Variants in CELF2 observed in about 807,000 individuals in gnomAD.
CELF2 encodes the protein CUG triplet repeat RNA-binding protein 2.
In CELF2, 8 loss-of-function variants were observed where a neutral mutation model predicts 62.6. That is an observed-to-expected ratio of 0.13 (90% CI 0.07 to 0.23). The LOEUF is 0.23. Among genes scored for constraint, CELF2 ranks in the 10% least tolerant of loss-of-function variants. CELF2 has a pLI of 1.00. For synonymous variants in CELF2, 258 were observed against 250.0 expected (o/e 1.03, Z -0.30); for missense variants, 333 against 671.0 (o/e 0.50, Z 5.56).
intron 1 of CELF2, among the ~76,000 whole-genome samples, chr10:11,061,690 C>T (rs569660236): frequency 1.1e-4 from 17 of 152,356 alleles, no homozygotes; most frequent in African/African-American, 3.6e-4. Context: ...TACTCATTTA[C>T]TACTCCAAAA....
chr10:11,303,525 G>A lies in CELF2; in HGVS notation c.977-10614G>A, dbSNP rs141652779. On this transcript the variant is annotated intron_variant, in intron 9 of 12. Coordinates refer to ENST00000633077, the MANE Select transcript of CELF2 (RefSeq NM_001326342.2). ...TCCTTCAGATACAGACTGAACACACGTTTATTGATCACCCGCTGTGCATCA... is the reference window on the plus strand; with the variant it reads ...TCCTTCAGATACAGACTGAACACACATTTATTGATCACCCGCTGTGCATCA... Among the ~76,000 whole-genome samples, 68 of 152,248 alleles carry A rather than the reference G, an allele frequency of 4.5e-4. 2 individuals are homozygous for A. The East Asian group carries it at 0.011, about 25-fold the overall frequency.
chr10:10,657,477 T>C, the CELF2 span, among the ~76,000 whole-genome samples: 329 of 152,294 alleles, frequency 2.2e-3, no homozygotes, highest in African/African-American at 7.6e-3. Flanking sequence ...GCGTGAGTTA[T>C]ATGGTACGTG....
At chr10:10,764,304 AC>A in the CELF2 span, among the ~76,000 whole-genome samples, 2 of 152,268 alleles carry the variant, frequency 1.3e-5, no homozygotes, top group Non-Finnish European at 2.9e-5. Context: ...TTTCAAAAAA[AC>A]ATACTTTCTG....
chr10:10,540,480 C>A, the CELF2 span, among the ~76,000 whole-genome samples: 1 of 152,296 alleles, frequency 6.6e-6, no homozygotes, highest in Middle Eastern at 3.4e-3. Flanking sequence ...CTGGCTTTGC[C>A]TTTTCACAGA....
the CELF2 span, among the ~76,000 whole-genome samples, chr10:10,622,642 G>T: frequency 6.6e-6 from 1 of 152,004 alleles, no homozygotes; most frequent in Non-Finnish European, 1.5e-5. Flanking sequence ...GTGACAGAAT[G>T]AGACCCTGTG....
intron 7 of CELF2, among the ~76,000 whole-genome samples, chr10:11,273,937 G>A (rs2084908937): frequency 6.7e-6 from 1 of 150,248 alleles, no homozygotes; most frequent in Non-Finnish European, 1.5e-5. Flanking sequence ...TGGCCAGGCT[G>A]GTCTCGAACT....
Position 11,321,220 on chromosome 10 carries a change from G to A in CELF2, c.1128G>A (p.Leu376=), listed in dbSNP as rs1170963325. Residue 376 remains leucine (L), a synonymous_variant, in exon 11 of 13, where the codon CTG becomes CTA. Coordinates refer to ENST00000633077, the MANE Select transcript of CELF2 (RefSeq NM_001326342.2). The surrounding 1 kb of genome is among the most constrained non-coding windows in gnomAD (Gnocchi z 6.2). ...VAQMLSGMAA[L]NGGLGATGLT... ...AAATGCTCTCAGGTATGGCGGCTCTGAATGGAGGACTTGGCGCCACAGGCT... is the reference window on the plus strand; with the variant it reads ...AAATGCTCTCAGGTATGGCGGCTCTAAATGGAGGACTTGGCGCCACAGGCT... 3.1e-6 allele frequency: 5 copies of A among 1,614,040 alleles called. No homozygotes were observed. The highest frequency in any genetic ancestry group is 4.2e-6 in the Non-Finnish European group (5 of 1,180,048).
At chr10:11,286,878 G>T (rs2091449082) in intron 8 of CELF2, among the ~76,000 whole-genome samples, 1 of 152,204 alleles carries the variant, frequency 6.6e-6, no homozygotes, top group African/African-American at 2.4e-5. Flanking sequence ...AAGCCAAAAG[G>T]TCTGGATGTC....
chr10:11,175,818 T>C (rs1179423487), intron 2 of CELF2, among the ~76,000 whole-genome samples: 1 of 152,234 alleles, frequency 6.6e-6, no homozygotes, highest in Non-Finnish European at 1.5e-5. Flanking sequence ...CAGTAGATGC[T>C]TCTGGGTGCC....
At chr10:10,486,646 C>T in the CELF2 span, among the ~76,000 whole-genome samples, 1 of 152,072 alleles carries the variant, frequency 6.6e-6, no homozygotes, top group African/African-American at 2.4e-5. Flanking sequence ...TGAAAAGCTC[C>T]AATGGGCATT....
At chr10:10,469,943 T>C in the CELF2 span, among the ~76,000 whole-genome samples, 1 of 151,864 alleles carries the variant, frequency 6.6e-6, no homozygotes, top group African/African-American at 2.4e-5. Flanking sequence ...GCATCCCTAA[T>C]CTGAAAATCT....
At chr10:11,127,054 G>A (rs563213018) in intron 1 of CELF2, among the ~76,000 whole-genome samples, 5 of 151,946 alleles carry the variant, frequency 3.3e-5, no homozygotes, top group African/African-American at 4.8e-5. Context: ...CCAGCCCCCC[G>A]CCTCATGACA....
At chr10:10,503,077 G>A in the CELF2 span, among the ~76,000 whole-genome samples, 1 of 152,024 alleles carries the variant, frequency 6.6e-6, no homozygotes, top group Non-Finnish European at 1.5e-5. Flanking sequence ...TGATTGCATT[G>A]TGATTAGAGA....
intron 1 of CELF2, among the ~76,000 whole-genome samples, chr10:11,133,670 C>A (rs570994756): frequency 2.6e-5 from 4 of 152,212 alleles, no homozygotes; most frequent in African/African-American, 9.6e-5. Flanking sequence ...AGTATCACTC[C>A]GCTTTGTAGG....
At chr10:10,991,015 G>T (rs2053374468) in intron 2 of CELF2, among the ~76,000 whole-genome samples, 2 of 152,012 alleles carry the variant, frequency 1.3e-5, no homozygotes, top group African/African-American at 4.8e-5. Flanking sequence ...TGTTTTGTTT[G>T]TGTGAGTTTT....
At chr10:11,091,262 G>C (rs2048251552) in intron 1 of CELF2, among the ~76,000 whole-genome samples, 1 of 152,198 alleles carries the variant, frequency 6.6e-6, no homozygotes, top group Non-Finnish European at 1.5e-5. Context: ...TGAGTCAACT[G>C]AGTAGAAGAC....
chr10:11,129,751 A>C (rs1163384092), intron 1 of CELF2, among the ~76,000 whole-genome samples: 1 of 152,046 alleles, frequency 6.6e-6, no homozygotes, highest in Non-Finnish European at 1.5e-5. Context: ...TATTGCGTCT[A>C]TTTGATTCTT....
chr10:10,837,044 G>C (rs1332282773), intron 1 of CELF2, among the ~76,000 whole-genome samples: 1 of 152,162 alleles, frequency 6.6e-6, no homozygotes, highest in Non-Finnish European at 1.5e-5. Flanking sequence ...TCTTACACCA[G>C]GAATTCCCTG....
intron 1 of CELF2, among the ~76,000 whole-genome samples, chr10:11,152,079 C>T (rs1010111108): frequency 1.3e-5 from 2 of 152,166 alleles, no homozygotes; most frequent in Non-Finnish European, 2.9e-5. Context: ...ATATCCTAGA[C>T]CTTGGGTTTG....
Sources: allele counts gnomAD v4.1 joint callset (sites outside exome capture counted in the v4.1 genomes callset), GRCh38; gene constraint gnomAD v4.1.1; non-coding constraint Gnocchi (gnomAD v3.1); transcripts MANE v1.5; gene names NCBI Gene and HGNC (gene_info 2026-07-23, HGNC 2026-07-21).